EPG5: variants seen among roughly 807,000 people sequenced by gnomAD.
EPG5 encodes the protein ectopic P-granules 5 autophagy tethering factor.
A neutral mutation model predicts 302.7 loss-of-function variants in EPG5; 159 were observed. The observed-to-expected ratio is 0.53, with a 90% confidence interval of 0.46 to 0.60. The LOEUF is 0.60. EPG5 is among the 20% of genes least tolerant of loss of function. The probability of loss-of-function intolerance (pLI) is 0.00; values close to 1 mark genes in which losing one functional copy is unlikely to be tolerated. For missense variants in EPG5, 2,896 were observed against 3,092.4 expected (o/e 0.94, Z 1.51); for synonymous variants, 1,158 against 1,136.8 (o/e 1.02, Z -0.37).
At position 45,907,548 on chromosome 18, in the gene EPG5, C is replaced by G. The variant is rs114478651; in HGVS notation, c.4329+410G>C. On this transcript the variant is annotated intron_variant, in intron 24 of 43. Transcript: ENST00000282041. ...CAAACAAAGGTGAGCTCCTGATCTC[C>G]TCCATGCAACCAACCTCCCACATCA... Among the ~76,000 whole-genome samples the G allele has an allele frequency of 5.7e-3, 871 of 152,228 alleles. 16 individuals carry two copies. Among genetic ancestry groups the G allele is most frequent in the African/African-American group, 0.02 (841 of 41,524 alleles).
intron 15 of EPG5, 98 bp from the exon 16 acceptor site, chr18:45,922,698 C>T (rs550482475): frequency 1.1e-4 from 146 of 1,385,846 alleles, no homozygotes; most frequent in Non-Finnish European, 1.3e-4. Flanking sequence ...ATGCCCTCAA[C>T]GCAGAGGAAT....
At chr18:45,955,870 C>T (rs979985386) in intron 1 of EPG5, among the ~76,000 whole-genome samples, 10 of 152,028 alleles carry the variant, frequency 6.6e-5, no homozygotes, top group South Asian at 2.1e-4. Flanking sequence ...GAGTGAGAAG[C>T]GACAATTCTT....
the EPG5 span, among the ~76,000 whole-genome samples, chr18:45,811,887 A>G: frequency 6.6e-6 from 1 of 152,150 alleles, no homozygotes; most frequent in Non-Finnish European, 1.5e-5. Context: ...CACCACTCCT[A>G]TTCAACATAG....
chr18:45,915,299 T>TAAAAA (rs2050002893), intron 20 of EPG5, among the ~76,000 whole-genome samples: 1 of 151,350 alleles, frequency 6.6e-6, no homozygotes, highest in Admixed American at 6.6e-5. Flanking sequence ...AAAATAAAAA[T>TAAAAA]AAAAAACTCA....
At chr18:45,946,271 T>A (rs2050782719) in intron 7 of EPG5, among the ~76,000 whole-genome samples, 1 of 152,210 alleles carries the variant, frequency 6.6e-6, no homozygotes, top group African/African-American at 2.4e-5. Context: ...CAGATTCATA[T>A]CATCTGTAGG....
At chr18:45,881,387 C>G (rs1015369716) in intron 31 of EPG5, among the ~76,000 whole-genome samples, 1 of 152,186 alleles carries the variant, frequency 6.6e-6, no homozygotes, top group African/African-American at 2.4e-5. Flanking sequence ...CTCCACCCAC[C>G]CTGCAACCTG....
rs1273460515 is a variant in EPG5 at position 45,866,861 on chromosome 18, T to G, written c.6558A>C (p.Leu2186Phe). Reference protein sequence around the residue: ...IILAKESYAELIMKLLKVSAG... With the variant: ...IILAKESYAEFIMKLLKVSAG... The stretch of plus-strand genomic sequence containing the variant: ...CAGACACTTTTAGGAGCTTCATGAT[T>G]AATTCAGCATAAGATTCTTTTGCCA... The change falls in exon 38 of 44, where the codon TTA (leucine) becomes TTC (phenylalanine). Residue 2186 changes from leucine to phenylalanine, a missense_variant. By Grantham distance (22) the Leu-to-Phe change is conservative. Transcript: ENST00000282041. 2 of 1,614,196 alleles carry G rather than the reference T, an allele frequency of 1.2e-6. No individual in the cohort carries two copies. Among genetic ancestry groups the G allele is most frequent in the South Asian group, 2.2e-5 (2 of 91,080 alleles).
intron 1 of EPG5, among the ~76,000 whole-genome samples, chr18:45,966,418 A>T (rs969229359): frequency 3.3e-5 from 5 of 151,900 alleles, no homozygotes; most frequent in African/African-American, 9.7e-5. Flanking sequence ...ATACACACAC[A>T]CATATGTATA....
chr18:45,958,139 C>T lies in EPG5; in HGVS notation c.64-2801G>A, dbSNP rs539759410. On this transcript the variant is annotated intron_variant, in intron 1 of 43. Coordinates refer to ENST00000282041, the MANE Select transcript of EPG5 (RefSeq NM_020964.3). ...TAAATTGAGAGAAAGAAGCATAATA[C>T]TTGTACTCTGAAACTTACAAAACAT... 2.0e-5 allele frequency among the ~76,000 whole-genome samples: 3 copies of T among 152,264 alleles called. No homozygotes were observed. In the East Asian group the frequency reaches 5.8e-4, roughly 29 times the overall value.
Position 45,866,819 on chromosome 18 carries a change from A to G in EPG5, c.6600T>C (p.Pro2200=). The G allele has an allele frequency of 6.2e-7, 1 of 1,613,898 alleles. No homozygotes were observed. Among genetic ancestry groups the G allele is most frequent in the Non-Finnish European group, 8.5e-7 (1 of 1,179,770 alleles). Residue 2200 remains proline, a synonymous_variant, in exon 38 of 44, where the codon CCT becomes CCC. Transcript: ENST00000282041. ...LLKVSAGLSI[P]TDSQKHLDAV... ...TTACAAGATGCTTCTGGCTGTCAGT[A>G]GGAATAGAAAGGCCCGCAGACACTT...
the EPG5 span, chr18:45,838,654 C>G: frequency 1.4e-6 from 2 of 1,457,834 alleles, no homozygotes; most frequent in South Asian, 1.4e-5. Context: ...CCCTCCGGCT[C>G]TGGCGTCCAA....
rs142675465 is a variant in EPG5 at position 45,949,520 on chromosome 18, G to A, written c.1461C>T (p.Pro487=). 401 of 1,612,790 alleles carry A rather than the reference G, an allele frequency of 2.5e-4. 2 individuals carry two copies. The East Asian group carries it at 7.9e-3, about 32-fold the overall frequency. ...LFLLNHILRC[P]AGVSKWAVPF... The stretch of plus-strand genomic sequence containing the variant: ...GAACAGCCCATTTACTAACACCAGC[G>A]GGGCATCGAAGAATATGGTTTAGAA... Residue 487 remains proline (P), a synonymous_variant, in exon 5 of 44, where the codon CCC becomes CCT. Coordinates refer to ENST00000282041, the MANE Select transcript of EPG5 (RefSeq NM_020964.3).
rs982203129 is a variant in EPG5 at position 45,884,811 on chromosome 18, C to T, written c.5110G>A (p.Val1704Ile). The T allele has an allele frequency of 7.9e-6, 12 of 1,518,796 alleles. No homozygotes were observed. In the Admixed American group the frequency reaches 2.3e-4, roughly 29 times the overall value. 94.1% of individuals were successfully genotyped at this position (1,518,796 alleles called of 1,614,324 possible). A position where few individuals can be genotyped will look rare whatever the true frequency, so the allele number is the denominator to read the frequency against. The change falls in exon 30 of 44, where the codon GTA becomes ATA. Residue 1704 changes from valine (V) to isoleucine (I), a missense_variant and splice_region_variant. Transcript: ENST00000282041. Reference protein sequence around the residue: ...FTSCIEILGQVFISGIKSECR... With the variant: ...FTSCIEILGQIFISGIKSECR... ...TCTGATTTAATGCCACTGATAAATA[C>T]CTTGGAAAAATAAAAAGGAAAAATG...
chr18:45,928,038 A>G (rs1021814138), intron 13 of EPG5, among the ~76,000 whole-genome samples: 4 of 152,098 alleles, frequency 2.6e-5, no homozygotes, highest in Admixed American at 2.6e-4. Context: ...TATTAAAAAT[A>G]CAAAAAAATT....
rs769041649 is a variant in EPG5, at chr18:45,954,355, A to G, written c.1008+39T>C. Reference sequence around the variant, plus strand: ...ACCTGGACAACATCCCAGGAATAGCAGCTCCGCTGCAAATTCCCCAGGCTT... The same window carrying G: ...ACCTGGACAACATCCCAGGAATAGCGGCTCCGCTGCAAATTCCCCAGGCTT... On this transcript the variant is annotated intron_variant, in intron 2 of 43. Transcript: ENST00000282041. The G allele has an allele frequency of 3.3e-6, 5 of 1,532,034 alleles. No individual in the cohort carries two copies. In the South Asian group the frequency reaches 6.4e-5, roughly 20 times the overall value. 94.9% of individuals were successfully genotyped at this position (1,532,034 alleles called of 1,614,324 possible). A position where few individuals can be genotyped will look rare whatever the true frequency, so the allele number is the denominator to read the frequency against.
chr18:45,959,679 T>C (rs1343002947), intron 1 of EPG5, among the ~76,000 whole-genome samples: 1 of 150,710 alleles, frequency 6.6e-6, no homozygotes, highest in African/African-American at 2.4e-5. Context: ...AATAAATAAA[T>C]AAATAAATAA....
Position 45,919,514 on chromosome 18 carries a change from GT to G in EPG5, c.3099-1696del, listed in dbSNP as rs758397737. Among the ~76,000 whole-genome samples the G allele has an allele frequency of 1.4e-3, 191 of 139,804 alleles. 1 individual carries two copies. Among genetic ancestry groups the G allele is most frequent in the Middle Eastern group, 3.6e-3 (1 of 276 alleles). The allele number at this position is 139,804 out of a possible 152,430, so 91.7% of individuals were successfully genotyped here. On this transcript the variant is annotated intron_variant, in intron 16 of 43. Transcript: ENST00000282041. ...CTGTTCTAGGCATGTTACATGTGTG[GT>G]TTTTTTTTTTTTTTTGAGACAGAGT...
chr18:45,803,777 G>A, the EPG5 span, among the ~76,000 whole-genome samples: 1 of 152,164 alleles, frequency 6.6e-6, no homozygotes, highest in Non-Finnish European at 1.5e-5. Flanking sequence ...AACAGAATTT[G>A]CAGTTTGAAC....
chr18:45,894,614 G>A (rs760978840), intron 27 of EPG5, among the ~76,000 whole-genome samples: 17 of 152,254 alleles, frequency 1.1e-4, no homozygotes, highest in Non-Finnish European at 1.8e-4. Context: ...GCAAGAGTCC[G>A]CAAAGACTTC....
Sources: allele counts gnomAD v4.1 joint callset (sites outside exome capture counted in the v4.1 genomes callset), GRCh38; gene constraint gnomAD v4.1.1; transcripts MANE v1.5; gene names NCBI Gene and HGNC (gene_info 2026-07-23, HGNC 2026-07-21).